Variants in TPD52L1 observed in about 807,000 individuals in gnomAD.
TPD52L1 encodes tumor protein D53.
A neutral mutation model predicts 28.7 loss-of-function variants in TPD52L1; 18 were observed. The observed-to-expected ratio is 0.63, with a 90% CI of 0.43 to 0.93. TPD52L1 has a LOEUF of 0.93. TPD52L1 is among the 40% of genes least tolerant of loss of function. The probability of loss-of-function intolerance (pLI) is 0.00; values close to 1 mark genes in which losing one functional copy is unlikely to be tolerated. For synonymous variants in TPD52L1, 75 were observed against 88.8 expected (o/e 0.84, Z 0.88); for missense variants, 203 against 254.8 (o/e 0.80, Z 1.39).
chr6:125,260,972 GAAAGA>G (rs1161976866), intron 6 of TPD52L1: 1 of 51,246 alleles, frequency 2.0e-5, no homozygotes, highest in Non-Finnish European at 3.2e-5. Context: ...AAGAAAGAAA[GAAAGA>G]AAAGAAAAGA....
At position 125,209,434 on chromosome 6, in the gene TPD52L1, G is replaced by A. The variant is rs3799749; in HGVS notation, c.20-10644G>A. 1.4e-3 allele frequency among the ~76,000 whole-genome samples: 214 copies of A among 152,306 alleles called. 2 individuals carry two copies. The East Asian group carries it at 0.022, about 16-fold the overall frequency. On this transcript the variant is annotated intron_variant, in intron 1 of 6. Transcript: ENST00000534000. Reference sequence around the variant, plus strand: ...GAAATTCCTGATTGGTCTCTCCAGGGATATTCACTATAGTCCCAGAAGGGT... The same window carrying A: ...GAAATTCCTGATTGGTCTCTCCAGGAATATTCACTATAGTCCCAGAAGGGT...
intron 1 of TPD52L1, among the ~76,000 whole-genome samples, chr6:125,169,205 G>A (rs1791118713): frequency 6.6e-6 from 1 of 152,102 alleles, no homozygotes. Flanking sequence ...CTTCTTCTCA[G>A]TCTCCTTTGC....
chr6:125,170,147 T>C (rs1486003317), intron 1 of TPD52L1, among the ~76,000 whole-genome samples: 12 of 152,122 alleles, frequency 7.9e-5, no homozygotes, highest in Admixed American at 7.2e-4. Context: ...CAACACGTAT[T>C]CTGATCAAAG....
rs1320250313 is a variant in TPD52L1, at chr6:125,263,925, A to T, written c.*963A>T. ...AACATGAGAGAGGATATGAAAATAA[A>T]TATTACCTCAGCTATCCTAGGATGT... On this transcript the variant is annotated 3_prime_UTR_variant, in exon 7 of 7. Coordinates refer to ENST00000534000, the MANE Select transcript of TPD52L1 (RefSeq NM_003287.4). The T allele has an allele frequency of 6.6e-6, 1 of 152,200 alleles. No individual in the cohort carries two copies. Among genetic ancestry groups the T allele is most frequent in the Non-Finnish European group, 1.5e-5 (1 of 68,042 alleles). 9.4% of individuals were successfully genotyped at this position (152,200 alleles called of 1,614,324 possible). A position where few individuals can be genotyped will look rare whatever the true frequency, so the allele number is the denominator to read the frequency against.
chr6:125,153,875 TG>T lies in TPD52L1; in HGVS notation c.-76del. 6.6e-7 allele frequency: 1 copy of T among 1,522,974 alleles called. No homozygotes were observed. The highest frequency in any genetic ancestry group is 8.8e-7 in the Non-Finnish European group (1 of 1,134,542). 94.3% of individuals were successfully genotyped at this position (1,522,974 alleles called of 1,614,324 possible). On this transcript the variant is annotated 5_prime_UTR_variant, in exon 1 of 7. Coordinates refer to ENST00000534000, the MANE Select transcript of TPD52L1 (RefSeq NM_003287.4). Reference sequence around the variant, plus strand: ...GCGAGCGGCGGGGCCAGCTGCGTTCTGAGCCTGGGCGCAGCTGCCATCTGCT... The same window carrying T: ...GCGAGCGGCGGGGCCAGCTGCGTTCTAGCCTGGGCGCAGCTGCCATCTGCT...
In TPD52L1 at chr6:125,224,765, A is replaced by G. The variant is rs112026130; in HGVS notation, c.136-4353A>G. ...CTTCTGGGTTGCAGTTAGAAATTTT[A>G]TGTAATCTAGCAGATAAAACTGAAA... On this transcript the variant is annotated intron_variant, in intron 2 of 6. Transcript: ENST00000534000. 2.9e-3 allele frequency among the ~76,000 whole-genome samples: 440 copies of G among 152,326 alleles called. 6 individuals are homozygous for G. The highest frequency in any genetic ancestry group is 0.01 in the African/African-American group (419 of 41,572).
chr6:125,171,896 G>A (rs1162690639), intron 1 of TPD52L1, among the ~76,000 whole-genome samples: 1 of 152,060 alleles, frequency 6.6e-6, no homozygotes, highest in Non-Finnish European at 1.5e-5. Flanking sequence ...CTAACACAGG[G>A]CAGGGCTCCG....
chr6:125,208,773 C>T (rs543343641), intron 1 of TPD52L1: 35 of 230,796 alleles, frequency 1.5e-4, no homozygotes, highest in South Asian at 4.8e-4. Flanking sequence ...AGACATAACC[C>T]GGGAGAAAAA....
chr6:125,219,015 C>T (rs144322012), intron 1 of TPD52L1, among the ~76,000 whole-genome samples: 3,558 of 152,330 alleles, frequency 0.023, 250 homozygotes, highest in Admixed American at 0.15. Context: ...CTCCTACCCC[C>T]TAAAACCGGC....
At chr6:125,216,527 G>A (rs494262) in intron 1 of TPD52L1, among the ~76,000 whole-genome samples, 857 of 39,684 alleles carry the variant, frequency 0.022, 2 homozygotes, top group Middle Eastern at 0.042. Flanking sequence ...CAGTATGTGT[G>A]TGTATATATA....
rs537135908 is a variant in TPD52L1, at chr6:125,165,984, T to A, written c.19+12014T>A. ...GATCTGCGTGCTTGTTTCCAGAAAG[T>A]AGGATTTGTATCCTTTAGATGTTGG... On this transcript the variant is annotated intron_variant, in intron 1 of 6. Coordinates refer to ENST00000534000, the MANE Select transcript of TPD52L1 (RefSeq NM_003287.4). Among the ~76,000 whole-genome samples the A allele has an allele frequency of 3.9e-5, 6 of 152,326 alleles. No individual in the cohort carries two copies. The South Asian group carries it at 1.2e-3, about 32-fold the overall frequency.
intron 1 of TPD52L1, among the ~76,000 whole-genome samples, chr6:125,196,571 A>G (rs138234059): frequency 7.2e-5 from 11 of 152,384 alleles, no homozygotes; most frequent in African/African-American, 2.6e-4. Flanking sequence ...TAGCTTATAT[A>G]AAGCACATGA....
chr6:125,223,166 A>G (rs1795367545), intron 2 of TPD52L1, among the ~76,000 whole-genome samples: 1 of 152,064 alleles, frequency 6.6e-6, no homozygotes, highest in African/African-American at 2.4e-5. Flanking sequence ...GCTATGCTGG[A>G]TTCCTTCCTC....
At chr6:125,253,306 A>G (rs1797390914) in intron 4 of TPD52L1, 1 of 196,174 alleles carries the variant, frequency 5.1e-6, no homozygotes, top group Admixed American at 5.4e-5. Context: ...CCATGGAATG[A>G]TTAGCTTCTA....
In TPD52L1 at chr6:125,264,115, T is replaced by G. The variant is rs1798200233; in HGVS notation, c.*1153T>G. On this transcript the variant is annotated 3_prime_UTR_variant, in exon 7 of 7. Transcript: ENST00000534000. ...CATGTATGAAAATAACTGGTATTTA[T>G]CAATCCACTCAGATTTCTGCACTAA... 6.6e-6 allele frequency: 1 copy of G among 152,188 alleles called. No homozygotes were observed. Among genetic ancestry groups the G allele is most frequent in the Non-Finnish European group, 1.5e-5 (1 of 68,028 alleles). The allele number at this position is 152,188 out of a possible 1,614,324, so 9.4% of individuals were successfully genotyped here.
intron 1 of TPD52L1, among the ~76,000 whole-genome samples, chr6:125,179,634 T>C (rs938578172): frequency 6.6e-6 from 1 of 152,254 alleles, no homozygotes; most frequent in Non-Finnish European, 1.5e-5. Context: ...TTTACAATAC[T>C]GATCATTTTA....
intron 2 of TPD52L1, among the ~76,000 whole-genome samples, chr6:125,226,136 G>A (rs1795594120): frequency 6.6e-6 from 1 of 152,076 alleles, no homozygotes; most frequent in South Asian, 2.1e-4. Context: ...TTAGTTTTTG[G>A]CATATATTTA....
chr6:125,247,136 G>T lies in TPD52L1; in HGVS notation c.285-1146G>T, dbSNP rs376895666. On this transcript the variant is annotated intron_variant, in intron 3 of 6. Coordinates refer to ENST00000534000, the MANE Select transcript of TPD52L1 (RefSeq NM_003287.4). Reference sequence around the variant, plus strand: ...GAGATGGAAGGGGTAGAGGAAAAAGGGCAGTTCCTACATAGCTGATTTCAT... The same window carrying T: ...GAGATGGAAGGGGTAGAGGAAAAAGTGCAGTTCCTACATAGCTGATTTCAT... Among the ~76,000 whole-genome samples the T allele has an allele frequency of 5.9e-4, 90 of 151,956 alleles. 1 individual carries two copies. In the South Asian group the frequency reaches 0.015, roughly 26 times the overall value.
chr6:125,154,022 G>A (rs1182455463), intron 1 of TPD52L1, 52 bp downstream of exon 1: 1 of 1,574,494 alleles, frequency 6.4e-7, no homozygotes, highest in South Asian at 1.2e-5. Context: ...GCGCATAAAG[G>A]CTCTTTTCCT....
Sources: allele counts gnomAD v4.1 joint callset (sites outside exome capture counted in the v4.1 genomes callset), GRCh38; gene constraint gnomAD v4.1.1; transcripts MANE v1.5; gene names NCBI Gene and HGNC (gene_info 2026-07-23, HGNC 2026-07-21).